ADCK1: variants seen among roughly 807,000 people sequenced by gnomAD.
The protein encoded by ADCK1 is aarF domain-containing protein kinase 1.
ADCK1 carries 41 observed loss-of-function variants against 52.3 expected under a neutral mutation model. That is an observed-to-expected ratio of 0.78 (90% confidence interval 0.61 to 1.02). The LOEUF (loss-of-function observed/expected upper bound fraction) is 1.02. Ranked by LOEUF, ADCK1 falls within the 50% of genes least tolerant of loss-of-function variation. ADCK1 has a pLI of 0.00. For synonymous variants in ADCK1, 250 were observed against 274.6 expected, an observed-to-expected ratio of 0.91 and a Z score of 0.89; for missense variants, 658 against 679.5, an observed-to-expected ratio of 0.97 and a Z score of 0.35.
intron 1 of ADCK1, among the ~76,000 whole-genome samples, chr14:77,818,117 G>A (rs912146971): frequency 1.3e-5 from 2 of 152,194 alleles, no homozygotes; most frequent in Admixed American, 1.3e-4. Context: ...CTGCTCCTGA[G>A]TAGCCGCCAT....
At chr14:77,857,874 G>A (rs933899763) in intron 3 of ADCK1, among the ~76,000 whole-genome samples, 1 of 152,182 alleles carries the variant, frequency 6.6e-6, no homozygotes, top group Admixed American at 6.5e-5. Flanking sequence ...TCCCCACAGG[G>A]TACTGGGGTC....
intron 1 of ADCK1, among the ~76,000 whole-genome samples, chr14:77,811,950 G>C (rs926792607): frequency 4.6e-5 from 7 of 152,186 alleles, no homozygotes; most frequent in African/African-American, 1.7e-4. Context: ...GAGCATGCTA[G>C]AAAGCAAGGT....
chr14:77,852,665 ATATATATATATATATATATATATAT>A (rs2082314462), intron 3 of ADCK1, among the ~76,000 whole-genome samples: 2 of 88,872 alleles, frequency 2.3e-5, no homozygotes, highest in Non-Finnish European at 4.0e-5. Flanking sequence ...AAATAAATAT[ATATATATATATATATATATATATAT>A]ATATATATAT....
chr14:77,924,510 C>T lies in ADCK1; in HGVS notation c.912C>T (p.Phe304=), dbSNP rs200231377. The T allele has an allele frequency of 2.5e-5, 41 of 1,614,148 alleles. No individual in the cohort carries two copies. The highest frequency in any genetic ancestry group is 1.3e-4 in the African/African-American group (10 of 75,076). ...MYSEMIFVNG[F]VHCDPHPGNV... ...GTGAGATGATCTTCGTCAATGGCTT[C>T]GTGCACTGCGATCCCCACCCCGGCA... The change falls in exon 8 of 11, where the codon TTC becomes TTT. Residue 304 remains phenylalanine, a synonymous_variant. Coordinates refer to ENST00000238561, the MANE Select transcript of ADCK1 (RefSeq NM_020421.4).
chr14:77,808,477 G>A (rs2081274184), intron 1 of ADCK1, among the ~76,000 whole-genome samples: 1 of 152,206 alleles, frequency 6.6e-6, no homozygotes, highest in Non-Finnish European at 1.5e-5. Context: ...AACTGAAACT[G>A]TCAAGGGTTT....
In ADCK1 at chr14:77,818,948, A is replaced by C. The variant is rs547003483; in HGVS notation, c.-11-20A>C. 1 of 1,609,214 alleles carries C rather than the reference A, an allele frequency of 6.2e-7. No homozygotes were observed. Among genetic ancestry groups the C allele is most frequent in the South Asian group, 1.1e-5 (1 of 90,144 alleles). ...AAACTTTTAACTGCTATTCTTTCTC[A>C]ACTTTCCTTTTTTCTGCAGGATCTG... On this transcript the variant is annotated intron_variant, in intron 1 of 10. Transcript: ENST00000238561.
At chr14:77,908,346 A>G (rs972390131) in intron 7 of ADCK1, 1 of 161,108 alleles carries the variant, frequency 6.2e-6, no homozygotes, top group Admixed American at 5.9e-5. Context: ...GCAGCAACCA[A>G]CTGCATCAGC....
At chr14:77,802,749 G>T (rs1285219544) in intron 1 of ADCK1, among the ~76,000 whole-genome samples, 1 of 152,094 alleles carries the variant, frequency 6.6e-6, no homozygotes, top group Non-Finnish European at 1.5e-5. Context: ...AGGAGATCGA[G>T]ACCATCCTGG....
intron 10 of ADCK1, among the ~76,000 whole-genome samples, chr14:77,932,036 T>G (rs532628129): frequency 1.3e-5 from 2 of 152,158 alleles, no homozygotes; most frequent in East Asian, 3.9e-4. Flanking sequence ...TTTTATTTAT[T>G]TATTTATTTA....
chr14:77,889,902 A>AC (rs66568710), intron 5 of ADCK1, among the ~76,000 whole-genome samples: 1 of 150,308 alleles, frequency 6.7e-6, no homozygotes, highest in African/African-American at 2.4e-5. Flanking sequence ...AAAAAAAAAA[A>AC]AACAGAAGAA....
chr14:77,840,502 C>T (rs534206046), intron 3 of ADCK1, among the ~76,000 whole-genome samples: 1 of 152,180 alleles, frequency 6.6e-6, no homozygotes, highest in South Asian at 2.1e-4. Flanking sequence ...GTGATTACAC[C>T]GGGCCAATCT....
Position 77,822,523 on chromosome 14 carries a change from G to A in ADCK1, c.219+5G>A, listed in dbSNP as rs1356272003. 5.0e-6 allele frequency: 8 copies of A among 1,610,922 alleles called. No individual in the cohort carries two copies. Among genetic ancestry groups the A allele is most frequent in the Non-Finnish European group, 5.9e-6 (7 of 1,177,054 alleles). On this transcript the variant is annotated splice_donor_5th_base_variant and intron_variant, in intron 3 of 10. Transcript: ENST00000238561. ...TACTTGCAGCTGAGATCTAAGGTAA[G>A]TAACCCATGGGACCCATCTGAGCCA...
intron 2 of ADCK1, among the ~76,000 whole-genome samples, chr14:77,821,381 G>A (rs535749142): frequency 3.3e-5 from 5 of 152,106 alleles, no homozygotes; most frequent in East Asian, 1.9e-4. Flanking sequence ...AGCATATGTC[G>A]AATAGGATAA....
intron 1 of ADCK1, among the ~76,000 whole-genome samples, chr14:77,813,268 C>T (rs1242755015): frequency 6.6e-6 from 1 of 151,964 alleles, no homozygotes; most frequent in African/African-American, 2.4e-5. Context: ...TCCCAAAGTA[C>T]TGGGATTATA....
At position 77,822,481 on chromosome 14, in the gene ADCK1, C is replaced by CT; in HGVS notation, c.184dup (p.Tyr62LeufsTer12). ...TACCTCACTTCCCTGAAGAGTGTCC[C>CT]TTATGGCTCAGAGGAGTACTTGCAG... On this transcript the variant is annotated frameshift_variant, in exon 3 of 11. Coordinates refer to ENST00000238561, the MANE Select transcript of ADCK1 (RefSeq NM_020421.4). LOFTEE classifies it high-confidence loss of function. The CT allele has an allele frequency of 1.2e-6, 2 of 1,614,144 alleles. No individual in the cohort carries two copies. The highest frequency in any genetic ancestry group is 8.5e-7 in the Non-Finnish European group (1 of 1,180,002).
chr14:77,890,968 G>A (rs7359160), intron 5 of ADCK1, among the ~76,000 whole-genome samples: 5 of 152,068 alleles, frequency 3.3e-5, no homozygotes, highest in East Asian at 1.9e-4. Context: ...AGATTCAAGC[G>A]ACTGGGAATG....
At chr14:77,869,871 G>C (rs898920338) in intron 4 of ADCK1, among the ~76,000 whole-genome samples, 3 of 152,124 alleles carry the variant, frequency 2.0e-5, no homozygotes. Flanking sequence ...ACCTAAGAGG[G>C]CCTGACCCTG....
At chr14:77,857,825 T>G (rs2082453510) in intron 3 of ADCK1, among the ~76,000 whole-genome samples, 1 of 152,190 alleles carries the variant, frequency 6.6e-6, no homozygotes, top group East Asian at 1.9e-4. Context: ...CGTGGTTCAC[T>G]CTCTTGGTTG....
chr14:77,851,515 A>G (rs975505612), intron 3 of ADCK1, among the ~76,000 whole-genome samples: 1 of 152,016 alleles, frequency 6.6e-6, no homozygotes, highest in Non-Finnish European at 1.5e-5. Context: ...TGTTCTAGTT[A>G]TTCGTTTTCT....
Sources: gnomAD v4.1 joint callset for allele counts (sites outside exome capture counted in the v4.1 genomes callset) on GRCh38, gnomAD v4.1.1 for gene constraint, MANE v1.5 for transcripts, NCBI Gene and HGNC (gene_info 2026-07-23, HGNC 2026-07-21) for gene names.